Variants in PVT1 observed in about 807,000 individuals in gnomAD.
PVT1 encodes CXCR4/PVT1 fusion.
intron 2 of PVT1, among the ~76,000 whole-genome samples, chr8:127,819,477 A>G (rs1814705567): frequency 6.6e-6 from 1 of 152,218 alleles, no homozygotes; most frequent in African/African-American, 2.4e-5. Context: ...AGGCAGAGAG[A>G]TAAGTGTCTT....
intron 4 of PVT1, among the ~76,000 whole-genome samples, chr8:128,063,163 TAC>T (rs937072386): frequency 9.9e-5 from 15 of 152,176 alleles, no homozygotes; most frequent in African/African-American, 3.6e-4. Flanking sequence ...CACTCAGCAG[TAC>T]AGTTTGATGA....
chr8:127,984,874 T>C (rs937297419), intron 3 of PVT1, among the ~76,000 whole-genome samples: 2 of 82,406 alleles, frequency 2.4e-5, no homozygotes, highest in African/African-American at 4.2e-5. Context: ...TCTTTCTTTC[T>C]TTCTTTCTTT....
At chr8:128,003,229 T>G in intron 4 of PVT1, among the ~76,000 whole-genome samples, 1 of 126,510 alleles carries the variant, frequency 7.9e-6, no homozygotes, top group African/African-American at 3.1e-5. Context: ...CTCCCTCCCT[T>G]TCTTCCTTCC....
chr8:127,931,638 G>T (rs983871260), intron 3 of PVT1, among the ~76,000 whole-genome samples: 1 of 152,244 alleles, frequency 6.6e-6, no homozygotes, highest in Non-Finnish European at 1.5e-5. Context: ...AATCTGGATG[G>T]GTGCTGGCAG....
At chr8:127,992,497 C>T (rs1817054982) in intron 4 of PVT1, among the ~76,000 whole-genome samples, 1 of 152,194 alleles carries the variant, frequency 6.6e-6, no homozygotes, top group South Asian at 2.1e-4. Flanking sequence ...CCTCAGTCTC[C>T]TGAGTAGCTA....
intron 4 of PVT1, among the ~76,000 whole-genome samples, chr8:128,051,345 C>G (rs1337866149): frequency 6.6e-6 from 1 of 152,198 alleles, no homozygotes; most frequent in Non-Finnish European, 1.5e-5. Context: ...GAGGAGGACT[C>G]TTCCCTTCAG....
chr8:128,060,277 G>T (rs1337772996), intron 4 of PVT1, among the ~76,000 whole-genome samples: 1 of 152,052 alleles, frequency 6.6e-6, no homozygotes, highest in Non-Finnish European at 1.5e-5. Flanking sequence ...TTAGAACCAG[G>T]TTCGTTGGCC....
At position 128,006,134 on chromosome 8, in the gene PVT1, AATAATAATAAT is replaced by A. The variant is rs1435643752; in HGVS notation, n.912+16845_912+16855del. ...TAATAATAATAATAATAATAATAATAATAATAATAATAATAAAAAGATAAGGGAAATTTGGG... is the reference window on the plus strand; with the variant it reads ...TAATAATAATAATAATAATAATAATAAATAAAAAGATAAGGGAAATTTGGG... On this transcript the variant is annotated intron_variant and non_coding_transcript_variant, in intron 4 of 10. Coordinates refer to ENST00000651587, the Ensembl canonical transcript of PVT1. 7.5e-3 allele frequency among the ~76,000 whole-genome samples: 1,062 copies of A among 141,938 alleles called. 21 individuals carry two copies. The highest frequency in any genetic ancestry group is 0.022 in the Middle Eastern group (6 of 272). 93.1% of individuals were successfully genotyped at this position (141,938 alleles called of 152,430 possible). A position where few individuals can be genotyped will look rare whatever the true frequency, so the allele number is the denominator to read the frequency against.
intron 5 of PVT1, among the ~76,000 whole-genome samples, chr8:128,075,189 C>G (rs1814069328): frequency 6.6e-6 from 1 of 151,880 alleles, no homozygotes; most frequent in African/African-American, 2.4e-5. Flanking sequence ...TCTGTTTTGG[C>G]CTTTGGATTT....
intron 2 of PVT1, among the ~76,000 whole-genome samples, chr8:127,815,483 C>T (rs1036029099): frequency 1.3e-5 from 2 of 152,172 alleles, no homozygotes; most frequent in African/African-American, 4.8e-5. Context: ...TTTGCTGCTC[C>T]CAGAGTCTTG....
intron 2 of PVT1, among the ~76,000 whole-genome samples, chr8:127,853,404 G>T (rs139463840): frequency 4.6e-5 from 7 of 152,288 alleles, no homozygotes; most frequent in African/African-American, 1.7e-4. Flanking sequence ...CTTTAGCTCA[G>T]TCCAGTTGAG....
At chr8:128,003,165 T>C (rs1817203787) in intron 4 of PVT1, among the ~76,000 whole-genome samples, 1 of 147,116 alleles carries the variant, frequency 6.8e-6, no homozygotes, top group African/African-American at 2.5e-5. Flanking sequence ...CCACACCTTT[T>C]TTTTTTTTAG....
rs371462683 is a variant in PVT1, at chr8:128,046,024, T to C, written n.913-24136T>C. Among the ~76,000 whole-genome samples the C allele has an allele frequency of 7.9e-5, 12 of 152,296 alleles. No individual in the cohort carries two copies. In the East Asian group the frequency reaches 9.6e-4, roughly 12 times the overall value. ...GACCACAGTCTTAGAGCATCCCTGT[T>C]ATAGGGATTCTGGGGACTAACAAGA... On this transcript the variant is annotated intron_variant and non_coding_transcript_variant, in intron 4 of 10. Coordinates refer to ENST00000651587, the Ensembl canonical transcript of PVT1.
chr8:128,026,279 G>A (rs1332423169), intron 4 of PVT1, among the ~76,000 whole-genome samples: 2 of 151,856 alleles, frequency 1.3e-5, no homozygotes, highest in Admixed American at 6.6e-5. Context: ...TTTTGTAGTT[G>A]TGGACATTTA....
chr8:128,027,992 G>A (rs987261782), intron 4 of PVT1, among the ~76,000 whole-genome samples: 2 of 152,190 alleles, frequency 1.3e-5, no homozygotes, highest in Admixed American at 6.5e-5. Flanking sequence ...CCAGTGCCAA[G>A]TGCACCTTGC....
intron 3 of PVT1, among the ~76,000 whole-genome samples, chr8:127,908,498 C>A (rs369340506): frequency 3.3e-5 from 5 of 151,910 alleles, no homozygotes; most frequent in African/African-American, 1.2e-4. Flanking sequence ...TGTGCCACCA[C>A]GCCCGGCTAA....
intron 4 of PVT1, among the ~76,000 whole-genome samples, chr8:128,002,752 C>A (rs1181775778): frequency 6.6e-6 from 1 of 152,138 alleles, no homozygotes; most frequent in Non-Finnish European, 1.5e-5. Context: ...CTGCAAAGAC[C>A]CAATTTCCAA....
At chr8:127,807,089 A>G (rs1172970136) in intron 2 of PVT1, among the ~76,000 whole-genome samples, 1 of 152,322 alleles carries the variant, frequency 6.6e-6, no homozygotes, top group East Asian at 1.9e-4. Flanking sequence ...TTTAGAGACC[A>G]CCTTGCCAGC....
chr8:127,879,470 A>G (rs1000072047), intron 2 of PVT1, among the ~76,000 whole-genome samples: 2 of 152,364 alleles, frequency 1.3e-5, no homozygotes, highest in African/African-American at 4.8e-5. Flanking sequence ...TGGAGGTTGT[A>G]GTGAGCTGAG....
Sources: allele counts gnomAD v4.1 joint callset (sites outside exome capture counted in the v4.1 genomes callset), GRCh38; gene constraint gnomAD v4.1.1; transcripts MANE v1.5; gene names NCBI Gene and HGNC (gene_info 2026-07-23, HGNC 2026-07-21).